ANGPT2: variants seen among roughly 807,000 people sequenced by gnomAD.
ANGPT2 encodes angiopoietin-2.
ANGPT2 carries 28 observed loss-of-function variants against 62.9 expected under a neutral mutation model. The ratio of observed to expected loss-of-function variants is 0.44; its 90% CI spans 0.33 to 0.61. The LOEUF is 0.61. Ranked by LOEUF, ANGPT2 falls within the 20% of genes least tolerant of loss-of-function variation. ANGPT2 has a pLI of 0.03. For synonymous variants in ANGPT2, 284 were observed against 207.8 expected, an observed-to-expected ratio of 1.37 and a Z score of -3.15; for missense variants, 727 against 594.9, an observed-to-expected ratio of 1.22 and a Z score of -2.31.
At position 6,520,408 on chromosome 8, in the gene ANGPT2, C is replaced by T. The variant is rs114034332; in HGVS notation, c.800-417G>A. ...GTTATCTGTATCATGACCCCATTGC[C>T]TGCCCCTTCAGGCCATTATCCCACT... On this transcript the variant is annotated intron_variant, in intron 4 of 8. Transcript: ENST00000629816. Among the ~76,000 whole-genome samples the T allele has an allele frequency of 3.0e-3, 457 of 152,264 alleles. 1 individual carries two copies. Among genetic ancestry groups the T allele is most frequent in the African/African-American group, 0.011 (444 of 41,556 alleles).
At chr8:6,523,846 C>G (rs1283712042) in intron 3 of ANGPT2, among the ~76,000 whole-genome samples, 1 of 150,750 alleles carries the variant, frequency 6.6e-6, no homozygotes, top group Non-Finnish European at 1.5e-5. Context: ...CTCGGCCTTC[C>G]AAAGTGCTGG....
chr8:6,501,970 AC>A lies in ANGPT2; in HGVS notation c.*1130del, dbSNP rs1259029367. On this transcript the variant is annotated 3_prime_UTR_variant, in exon 9 of 9. Transcript: ENST00000629816. ...TTTGCTGATTGACATAAAAAAACTTACTAGTGTCAATTATTTTTTTCCTTAA... is the reference window on the plus strand; with the variant it reads ...TTTGCTGATTGACATAAAAAAACTTATAGTGTCAATTATTTTTTTCCTTAA... 2 of 150,854 alleles carry A rather than the reference AC, an allele frequency of 1.3e-5. No homozygotes were observed. Among genetic ancestry groups the A allele is most frequent in the Non-Finnish European group, 3.0e-5 (2 of 67,702 alleles). The allele number at this position is 150,854 out of a possible 1,614,324, so 9.3% of individuals were successfully genotyped here.
At chr8:6,532,183 A>G (rs1489313790) in intron 2 of ANGPT2, 149 bp downstream of exon 2, 3 of 908,674 alleles carry the variant, frequency 3.3e-6, no homozygotes, top group East Asian at 2.5e-5. Flanking sequence ...AAGCAGCCAT[A>G]CATCCTTAAT....
rs1157395882 is a variant in ANGPT2 at position 6,502,524 on chromosome 8, G to T, written c.*577C>A. On this transcript the variant is annotated 3_prime_UTR_variant, in exon 9 of 9. Transcript: ENST00000629816. ...GCTGTTTTTGAAATAAAAATTTAAAGCACCTAAGAGATGGAGTAAAAATGC... is the reference window on the plus strand; with the variant it reads ...GCTGTTTTTGAAATAAAAATTTAAATCACCTAAGAGATGGAGTAAAAATGC... 3 of 152,126 alleles carry T rather than the reference G, an allele frequency of 2.0e-5. No individual in the cohort carries two copies. Among genetic ancestry groups the T allele is most frequent in the Admixed American group, 6.6e-5 (1 of 15,264 alleles). 9.4% of individuals were successfully genotyped at this position (152,126 alleles called of 1,614,324 possible).
At chr8:6,529,027 A>G (rs1004808316) in intron 2 of ANGPT2, among the ~76,000 whole-genome samples, 1 of 152,236 alleles carries the variant, frequency 6.6e-6, no homozygotes, top group Non-Finnish European at 1.5e-5. Context: ...GGAACTGGAA[A>G]ATTGTGTCCT....
In ANGPT2 at chr8:6,551,586, C is replaced by G. The variant is rs1289909049; in HGVS notation, c.288+11061G>C. Among the ~76,000 whole-genome samples, 3 of 151,868 alleles carry G rather than the reference C, an allele frequency of 2.0e-5. No individual in the cohort carries two copies. The South Asian group carries it at 6.2e-4, about 32-fold the overall frequency. On this transcript the variant is annotated intron_variant, in intron 1 of 8. Transcript: ENST00000629816. ...TTTTTTAACTCATAACATTTTTGTCCCAGTCATCAACACTGTTAAGAACAT... is the reference window on the plus strand; with the variant it reads ...TTTTTTAACTCATAACATTTTTGTCGCAGTCATCAACACTGTTAAGAACAT...
At chr8:6,522,350 G>A (rs1056535883) in intron 3 of ANGPT2, among the ~76,000 whole-genome samples, 2 of 150,118 alleles carry the variant, frequency 1.3e-5, no homozygotes, top group Non-Finnish European at 3.0e-5. Context: ...GCGAGACTCC[G>A]TCTCAAAAAA....
At chr8:6,538,283 C>CAT (rs532008609) in intron 1 of ANGPT2, among the ~76,000 whole-genome samples, 1 of 152,190 alleles carries the variant, frequency 6.6e-6, no homozygotes. Context: ...TACACACACA[C>CAT]ATACACGTTT....
intron 1 of ANGPT2, among the ~76,000 whole-genome samples, chr8:6,533,975 G>A (rs537526807): frequency 7.2e-5 from 11 of 152,200 alleles, no homozygotes; most frequent in Admixed American, 7.2e-4. Context: ...GATTAGGCTG[G>A]AACTATAAGT....
In ANGPT2 at chr8:6,521,013, CAT is replaced by C. The variant is rs145430609; in HGVS notation, c.799+163_799+164del. Among the ~76,000 whole-genome samples, 1,480 of 152,248 alleles carry C rather than the reference CAT, an allele frequency of 9.7e-3. 20 individuals carry two copies. Among genetic ancestry groups the C allele is most frequent in the African/African-American group, 0.034 (1,410 of 41,564 alleles). On this transcript the variant is annotated intron_variant, in intron 4 of 8. Coordinates refer to ENST00000629816, the MANE Select transcript of ANGPT2 (RefSeq NM_001118887.2). ...GTTTGCTTCATAATAATTAGTATAA[CAT>C]ATATTTCCCCTTCTCTTCTTCCTTC...
intron 1 of ANGPT2, among the ~76,000 whole-genome samples, chr8:6,549,277 T>C (rs1000227103): frequency 6.6e-6 from 1 of 152,206 alleles, no homozygotes; most frequent in Non-Finnish European, 1.5e-5. Flanking sequence ...TGCACGGTGA[T>C]GGAAAAGAAG....
At chr8:6,533,780 G>C (rs1819985302) in intron 1 of ANGPT2, among the ~76,000 whole-genome samples, 4 of 151,938 alleles carry the variant, frequency 2.6e-5, no homozygotes, top group African/African-American at 9.7e-5. Context: ...TCTTTATAGA[G>C]AAACCATTCG....
At chr8:6,514,931 G>C (rs1322995215) in intron 5 of ANGPT2, among the ~76,000 whole-genome samples, 153 bp from the exon 6 acceptor site, 1 of 152,114 alleles carries the variant, frequency 6.6e-6, no homozygotes, top group African/African-American at 2.4e-5. Flanking sequence ...GGTTGTCTAA[G>C]AAACAGATGG....
At chr8:6,548,186 C>T (rs967297151) in intron 1 of ANGPT2, among the ~76,000 whole-genome samples, 15 of 152,158 alleles carry the variant, frequency 9.9e-5, no homozygotes, top group Admixed American at 5.9e-4. Context: ...TGGCTTGAGG[C>T]GGCACGCTTT....
chr8:6,513,425 CG>C (rs1815586067), intron 7 of ANGPT2, among the ~76,000 whole-genome samples: 1 of 151,708 alleles, frequency 6.6e-6, no homozygotes, highest in South Asian at 2.1e-4. Context: ...CTCCGCCTCC[CG>C]GGTTCACGCC....
intron 1 of ANGPT2, among the ~76,000 whole-genome samples, chr8:6,533,410 G>A (rs770755688): frequency 1.2e-4 from 18 of 152,178 alleles, no homozygotes; most frequent in Admixed American, 3.9e-4. Context: ...CTGCTTTATA[G>A]TCTTGGTTCT....
intron 1 of ANGPT2, among the ~76,000 whole-genome samples, chr8:6,549,826 C>G (rs1823296646): frequency 6.6e-6 from 1 of 152,168 alleles, no homozygotes; most frequent in South Asian, 2.1e-4. Flanking sequence ...CAAAAATTTA[C>G]CAAGTTGTAC....
rs751635361 is a variant in ANGPT2, at chr8:6,562,842, C to T, written c.93G>A (p.Lys31=). ...ACCCATGCTGGACCTGATATTGCTT[C>T]TTTCCTATGCTGTCCATGCTCTTCC... is the stretch of plus-strand genomic sequence containing the variant. The part of the protein sequence containing the change: ...NFRKSMDSIG[K]KQYQVQHGSC... The change falls in exon 1 of 9, where the codon AAG becomes AAA. Residue 31 remains lysine, a synonymous_variant. Transcript: ENST00000629816. The T allele has an allele frequency of 6.2e-6, 10 of 1,613,938 alleles. No individual in the cohort carries two copies. Among genetic ancestry groups the T allele is most frequent in the South Asian group, 1.1e-5 (1 of 91,074 alleles).
intron 3 of ANGPT2, among the ~76,000 whole-genome samples, 173 bp downstream of exon 3, chr8:6,527,382 G>A (rs1163129163): frequency 6.6e-6 from 1 of 152,228 alleles, no homozygotes; most frequent in Non-Finnish European, 1.5e-5. Context: ...GGAGAGCTGT[G>A]CCTGTGCAGG....
Sources: allele counts gnomAD v4.1 joint callset (sites outside exome capture counted in the v4.1 genomes callset), GRCh38; gene constraint gnomAD v4.1.1; transcripts MANE v1.5; gene names NCBI Gene and HGNC (gene_info 2026-07-23, HGNC 2026-07-21).